The following SGCZ variants were observed in gnomAD, a reference collection of about 807,000 sequenced individuals.
The protein encoded by SGCZ is zeta-sarcoglycan.
A neutral mutation model predicts 41.3 loss-of-function variants in SGCZ; 40 were observed. That is an observed-to-expected ratio of 0.97 (90% CI 0.75 to 1.26). The LOEUF is 1.26. SGCZ is among the 50% of genes most tolerant of loss of function. The pLI, the probability that SGCZ is intolerant of heterozygous loss-of-function variation, is 0.00. For synonymous variants in SGCZ, 206 were observed against 137.5 expected (o/e 1.50, Z -3.49); for missense variants, 552 against 369.8 (o/e 1.49, Z -4.04).
chr8:15,198,074 G>C (rs996425502), intron 1 of SGCZ, among the ~76,000 whole-genome samples: 1 of 147,810 alleles, frequency 6.8e-6, no homozygotes, highest in Non-Finnish European at 1.5e-5. Flanking sequence ...ATGTATAATG[G>C]CAATTTGATA....
intron 1 of SGCZ, among the ~76,000 whole-genome samples, chr8:14,665,805 G>C (rs1510445): frequency 0.35 from 52,591 of 151,888 alleles, 11,699 homozygotes; most frequent in African/African-American, 0.64. Context: ...GTAAATAAAG[G>C]GTGACAAAAG....
intron 2 of SGCZ, among the ~76,000 whole-genome samples, chr8:14,474,261 T>A (rs1254012762): frequency 6.6e-6 from 1 of 152,218 alleles, no homozygotes; most frequent in African/African-American, 2.4e-5. Context: ...TGATTTGCAT[T>A]ATCATACCAA....
intron 2 of SGCZ, among the ~76,000 whole-genome samples, chr8:14,417,843 T>G (rs897731922): frequency 6.6e-6 from 1 of 151,920 alleles, no homozygotes; most frequent in Non-Finnish European, 1.5e-5. Flanking sequence ...CTTAAATATA[T>G]ATAATTTTTA....
intron 1 of SGCZ, among the ~76,000 whole-genome samples, chr8:14,995,167 G>A (rs1243357386): frequency 6.6e-6 from 1 of 152,256 alleles, no homozygotes; most frequent in Non-Finnish European, 1.5e-5. Context: ...TGGACAGGGA[G>A]ACACTGAAGT....
intron 1 of SGCZ, among the ~76,000 whole-genome samples, chr8:14,806,391 A>G (rs973675473): frequency 6.0e-5 from 9 of 151,084 alleles, no homozygotes; most frequent in Admixed American, 1.3e-4. Flanking sequence ...AAAAATGATA[A>G]AGGGGATATC....
At chr8:14,558,510 G>A (rs1585078797) in intron 1 of SGCZ, among the ~76,000 whole-genome samples, 1 of 151,134 alleles carries the variant, frequency 6.6e-6, no homozygotes, top group African/African-American at 2.4e-5. Context: ...GGAAGGCAGA[G>A]GTTGCAGTGA....
At chr8:14,133,193 C>T (rs140974618) in intron 5 of SGCZ, among the ~76,000 whole-genome samples, 1 of 152,194 alleles carries the variant, frequency 6.6e-6, no homozygotes, top group Non-Finnish European at 1.5e-5. Context: ...TTGCCCTAAG[C>T]ATATGTGCAG....
intron 5 of SGCZ, among the ~76,000 whole-genome samples, chr8:14,163,670 A>G (rs1023985705): frequency 1.3e-5 from 2 of 152,144 alleles, no homozygotes; most frequent in Non-Finnish European, 2.9e-5. Flanking sequence ...CTAGAGTTGA[A>G]TATATGGAGA....
intron 1 of SGCZ, among the ~76,000 whole-genome samples, chr8:15,194,885 G>C (rs1339733292): frequency 6.6e-6 from 1 of 152,184 alleles, no homozygotes; most frequent in African/African-American, 2.4e-5. Flanking sequence ...AAGCAGTTAA[G>C]TTTGTGATAG....
At chr8:15,153,621 C>G (rs922099345) in intron 1 of SGCZ, among the ~76,000 whole-genome samples, 1 of 152,064 alleles carries the variant, frequency 6.6e-6, no homozygotes, top group Middle Eastern at 3.4e-3. Context: ...AGTGAGCTCT[C>G]GCTCTGAGTT....
intron 1 of SGCZ, among the ~76,000 whole-genome samples, chr8:15,072,315 T>C (rs1805385039): frequency 6.6e-6 from 1 of 151,968 alleles, no homozygotes; most frequent in Admixed American, 6.6e-5. Flanking sequence ...AAACTAAAAT[T>C]TACAGTTGAA....
chr8:15,080,741 T>C (rs899399348), intron 1 of SGCZ, among the ~76,000 whole-genome samples: 1 of 151,988 alleles, frequency 6.6e-6, no homozygotes, highest in Non-Finnish European at 1.5e-5. Context: ...CAGGTGCCTG[T>C]CACCATGCTC....
intron 2 of SGCZ, among the ~76,000 whole-genome samples, chr8:14,424,640 C>T (rs536738366): frequency 1.3e-5 from 2 of 152,064 alleles, no homozygotes; most frequent in Non-Finnish European, 2.9e-5. Context: ...TACGTCAGTG[C>T]ATATTTACAT....
chr8:14,246,837 G>A (rs1228741167), intron 3 of SGCZ, among the ~76,000 whole-genome samples: 2 of 149,166 alleles, frequency 1.3e-5, no homozygotes, highest in African/African-American at 2.5e-5. Context: ...ATGAACCCGG[G>A]AGGCAGAGCT....
At chr8:14,448,682 T>C (rs1185569957) in intron 2 of SGCZ, among the ~76,000 whole-genome samples, 1 of 130,214 alleles carries the variant, frequency 7.7e-6, no homozygotes, top group Admixed American at 7.8e-5. Context: ...ATAAATGTTC[T>C]TAGAATGTTT....
At chr8:14,760,486 A>G (rs965352887) in intron 1 of SGCZ, among the ~76,000 whole-genome samples, 2 of 152,178 alleles carry the variant, frequency 1.3e-5, no homozygotes, top group African/African-American at 4.8e-5. Flanking sequence ...TAATAAACCA[A>G]TATATTGGAA....
chr8:14,546,219 G>A (rs990023414), intron 2 of SGCZ, among the ~76,000 whole-genome samples: 9 of 152,130 alleles, frequency 5.9e-5, no homozygotes, highest in African/African-American at 2.2e-4. Context: ...CTCGCAGGCA[G>A]AGCTGTAGTC....
At chr8:14,997,574 T>A (rs773627797) in intron 1 of SGCZ, among the ~76,000 whole-genome samples, 2 of 152,230 alleles carry the variant, frequency 1.3e-5, no homozygotes, top group African/African-American at 2.4e-5. Context: ...CTGTTATTAA[T>A]ATGTAATGAT....
chr8:14,608,819 G>A (rs767790318), intron 1 of SGCZ, among the ~76,000 whole-genome samples: 3 of 151,762 alleles, frequency 2.0e-5, no homozygotes, highest in Non-Finnish European at 4.4e-5. Flanking sequence ...GAACCATATC[G>A]GCAAGTGTAT....
Sources: gnomAD v4.1 joint callset for allele counts (sites outside exome capture counted in the v4.1 genomes callset) on GRCh38, gnomAD v4.1.1 for gene constraint, MANE v1.5 for transcripts, NCBI Gene and HGNC (gene_info 2026-07-23, HGNC 2026-07-21) for gene names.